SDK1: variants seen among roughly 807,000 people sequenced by gnomAD.
SDK1 encodes protein sidekick-1.
Under a neutral mutation model 245.5 loss-of-function variants are expected in SDK1, and 157 were observed. The ratio of observed to expected loss-of-function variants is 0.64; its 90% CI spans 0.56 to 0.73. The LOEUF (loss-of-function observed/expected upper bound fraction) is 0.73. SDK1 is among the 30% of genes least tolerant of loss of function. The pLI is 0.00. For synonymous variants in SDK1, 1,647 were observed against 1,278.5 expected (o/e 1.29, Z -6.15); for missense variants, 3,583 against 3,002.3 (o/e 1.19, Z -4.52).
intron 1 of SDK1, among the ~76,000 whole-genome samples, chr7:3,535,005 G>A (rs1240319910): frequency 3.3e-5 from 5 of 152,156 alleles, no homozygotes; most frequent in African/African-American, 7.2e-5. Context: ...GTCATGCAGT[G>A]GCTCACTCCT....
chr7:3,804,865 A>G (rs1779200669), intron 4 of SDK1, among the ~76,000 whole-genome samples: 1 of 152,214 alleles, frequency 6.6e-6, no homozygotes, highest in Non-Finnish European at 1.5e-5. Flanking sequence ...GCTATTATAG[A>G]GAAATACAAT....
chr7:3,355,009 C>G (rs1004597314), intron 1 of SDK1, among the ~76,000 whole-genome samples: 1 of 152,176 alleles, frequency 6.6e-6, no homozygotes, highest in Admixed American at 6.5e-5. Context: ...TATAATTAAG[C>G]TACAGTTTAT....
rs370796174 is a variant in SDK1 at position 3,740,597 on chromosome 7, G to C, written c.714-80853G>C. On this transcript the variant is annotated intron_variant, in intron 4 of 44. Transcript: ENST00000404826. ...AATTATCTGTACTATCCCCCTTAGT[G>C]GCTTCAAGGCTATTGTTTTTCACAG... Among the ~76,000 whole-genome samples the C allele has an allele frequency of 1.4e-3, 207 of 152,286 alleles. 4 individuals are homozygous for C. The highest frequency in any genetic ancestry group is 4.5e-3 in the African/African-American group (188 of 41,568).
intron 5 of SDK1, among the ~76,000 whole-genome samples, chr7:3,912,862 C>A (rs1167947376): frequency 6.6e-6 from 1 of 151,850 alleles, no homozygotes; most frequent in Non-Finnish European, 1.5e-5. Context: ...ATTTCTAGTC[C>A]TTAACCAAAA....
In SDK1 at chr7:4,218,427, C is replaced by T. The variant is rs185403983; in HGVS notation, c.5540-1682C>T. On this transcript the variant is annotated intron_variant, in intron 38 of 44. Transcript: ENST00000404826. ...AAGCCAAAATTGCTCTGAAATAATT[C>T]GGAAGAAAATAATTTAGCTGAATAT... is the stretch of plus-strand genomic sequence containing the variant. 4.0e-4 allele frequency among the ~76,000 whole-genome samples: 60 copies of T among 151,276 alleles called. No homozygotes were observed. The East Asian group carries it at 8.7e-3, about 22-fold the overall frequency.
intron 1 of SDK1, among the ~76,000 whole-genome samples, chr7:3,425,634 G>C (rs1022126780): frequency 8.5e-5 from 13 of 152,154 alleles, no homozygotes; most frequent in African/African-American, 1.9e-4. Context: ...TGTATTCAAG[G>C]TTTAGGCAGG....
intron 1 of SDK1, among the ~76,000 whole-genome samples, chr7:3,303,560 C>T (rs1290519288): frequency 2.0e-5 from 2 of 99,584 alleles, no homozygotes; most frequent in Non-Finnish European, 3.9e-5. Flanking sequence ...TATATTAAGG[C>T]AACAACCGAA....
chr7:3,515,065 A>G (rs891454596), intron 1 of SDK1, among the ~76,000 whole-genome samples: 1 of 152,000 alleles, frequency 6.6e-6, no homozygotes, highest in African/African-American at 2.4e-5. Flanking sequence ...ACATCATCCA[A>G]GATATTCTGC....
At chr7:4,060,678 G>A (rs1035016306) in intron 19 of SDK1, among the ~76,000 whole-genome samples, 4 of 152,016 alleles carry the variant, frequency 2.6e-5, no homozygotes, top group Admixed American at 1.3e-4. Flanking sequence ...GGCTTTTGTT[G>A]CCATTGCTTT....
chr7:3,577,886 G>C (rs1205701385), intron 1 of SDK1, among the ~76,000 whole-genome samples: 1 of 152,014 alleles, frequency 6.6e-6, no homozygotes, highest in Non-Finnish European at 1.5e-5. Flanking sequence ...CGCCTTAGAG[G>C]TGTGCGGTGA....
At chr7:3,642,553 G>C (rs1048426325) in intron 4 of SDK1, among the ~76,000 whole-genome samples, 1 of 152,024 alleles carries the variant, frequency 6.6e-6, no homozygotes, top group Non-Finnish European at 1.5e-5. Flanking sequence ...AGTAATTACT[G>C]CTTATTTCTC....
chr7:3,715,370 G>A lies in SDK1; in HGVS notation c.713+73265G>A, dbSNP rs74384862. Among the ~76,000 whole-genome samples, 195 of 152,236 alleles carry A rather than the reference G, an allele frequency of 1.3e-3. 1 individual carries two copies. Among genetic ancestry groups the A allele is most frequent in the African/African-American group, 4.6e-3 (189 of 41,530 alleles). On this transcript the variant is annotated intron_variant, in intron 4 of 44. Transcript: ENST00000404826. ...ATCCGTTTACAGTGGGAGAAGGTAG[G>A]CTACGTAGGTTCTTCCCTCCTCAGG...
chr7:3,859,608 T>G (rs1780637645), intron 5 of SDK1, among the ~76,000 whole-genome samples: 1 of 152,166 alleles, frequency 6.6e-6, no homozygotes. Flanking sequence ...TCCTGTTACA[T>G]TATCAACAGA....
chr7:4,265,618 T>C lies in SDK1; in HGVS notation c.*234T>C. 7.5e-7 allele frequency: 1 copy of C among 1,328,440 alleles called. No homozygotes were observed. Among genetic ancestry groups the C allele is most frequent in the Non-Finnish European group, 9.5e-7 (1 of 1,047,980 alleles). The allele number at this position is 1,328,440 out of a possible 1,614,324, so 82.3% of individuals were successfully genotyped here. A position where few individuals can be genotyped will look rare whatever the true frequency, so the allele number is the denominator to read the frequency against. Reference sequence around the variant, plus strand: ...GGTTTGTTTCTTTTTCTTTTCTTTTTAAGAGAAGGTGTATTTCACTGGTGC... The same window carrying C: ...GGTTTGTTTCTTTTTCTTTTCTTTTCAAGAGAAGGTGTATTTCACTGGTGC... On this transcript the variant is annotated 3_prime_UTR_variant, in exon 45 of 45. Transcript: ENST00000404826.
intron 4 of SDK1, among the ~76,000 whole-genome samples, chr7:3,740,879 G>C (rs1779458450): frequency 6.6e-6 from 1 of 152,040 alleles, no homozygotes; most frequent in Non-Finnish European, 1.5e-5. Flanking sequence ...CTTTTATTCT[G>C]CCATTCCTGA....
intron 4 of SDK1, among the ~76,000 whole-genome samples, chr7:3,805,969 T>C (rs1779232438): frequency 6.6e-6 from 1 of 152,128 alleles, no homozygotes; most frequent in Non-Finnish European, 1.5e-5. Context: ...TTCGTGCTTC[T>C]CTCCTCAGTG....
intron 1 of SDK1, among the ~76,000 whole-genome samples, chr7:3,478,171 T>C (rs1030044323): frequency 6.6e-6 from 1 of 152,180 alleles, no homozygotes; most frequent in African/African-American, 2.4e-5. Flanking sequence ...TATCCCTCAT[T>C]ATTTTCCTGA....
intron 39 of SDK1, 98 bp from the exon 40 acceptor site, chr7:4,221,141 C>A (rs1257312947): frequency 2.8e-6 from 4 of 1,440,336 alleles, no homozygotes; most frequent in African/African-American, 2.8e-5. Context: ...CACTCTGCAG[C>A]CTCGACCGGT....
At position 3,452,461 on chromosome 7, in the gene SDK1, A is replaced by G. The variant is rs555021590; in HGVS notation, c.298+150577A>G. ...CTTACTATAAACATCCCTGTAATAA[A>G]GGTAACCTTATAATTAGTATGTCAA... On this transcript the variant is annotated intron_variant, in intron 1 of 44. Transcript: ENST00000404826. Among the ~76,000 whole-genome samples the G allele has an allele frequency of 1.6e-4, 25 of 152,336 alleles. No homozygotes were observed. The East Asian group carries it at 4.8e-3, about 29-fold the overall frequency.
Sources: allele counts gnomAD v4.1 joint callset (sites outside exome capture counted in the v4.1 genomes callset), GRCh38; gene constraint gnomAD v4.1.1; transcripts MANE v1.5; gene names NCBI Gene and HGNC (gene_info 2026-07-23, HGNC 2026-07-21).